PTPRD: variants seen among roughly 807,000 people sequenced by gnomAD.
The protein encoded by PTPRD is receptor-type tyrosine-protein phosphatase delta.
Under a neutral mutation model 214.5 loss-of-function variants are expected in PTPRD, and 34 were observed. That is an observed-to-expected ratio of 0.16 (90% confidence interval 0.12 to 0.21). PTPRD has a LOEUF of 0.21. Ranked by LOEUF, PTPRD falls within the 10% of genes least tolerant of loss-of-function variation. The pLI is 1.00. For synonymous variants in PTPRD, 1,128 were observed against 845.7 expected (o/e 1.33, Z -5.79); for missense variants, 2,545 against 2,398.7 (o/e 1.06, Z -1.27).
intron 8 of PTPRD, among the ~76,000 whole-genome samples, chr9:9,406,520 G>A (rs902172049): frequency 8.6e-5 from 13 of 151,946 alleles, no homozygotes; most frequent in African/African-American, 2.6e-4. Context: ...TCACATTTAC[G>A]ATATTTACTC....
chr9:8,557,983 TTTA>T (rs1309377396), intron 14 of PTPRD, among the ~76,000 whole-genome samples: 3 of 152,058 alleles, frequency 2.0e-5, no homozygotes, highest in East Asian at 3.9e-4. Flanking sequence ...TAGAGAACGC[TTTA>T]TTAACTGTGA....
chr9:9,513,503 C>G (rs1219540210), intron 8 of PTPRD, among the ~76,000 whole-genome samples: 1 of 151,370 alleles, frequency 6.6e-6, no homozygotes, highest in Non-Finnish European at 1.5e-5. Flanking sequence ...TAACATTTTG[C>G]TTTTTCTTAA....
intron 23 of PTPRD, among the ~76,000 whole-genome samples, chr9:8,503,183 G>C (rs1394917454): frequency 6.6e-6 from 1 of 151,882 alleles, no homozygotes; most frequent in Admixed American, 6.6e-5. Context: ...AACCCTGAAA[G>C]TTTTCAAGTT....
chr9:9,609,848 G>A (rs12352166), intron 7 of PTPRD, among the ~76,000 whole-genome samples: 33 of 152,148 alleles, frequency 2.2e-4, no homozygotes, highest in Non-Finnish European at 3.8e-4. Flanking sequence ...TCAATTCAGC[G>A]TGTAAAAAAC....
rs1181976989 is a variant in PTPRD, at chr9:8,315,981, A to C, written c.*1893T>G. The C allele has an allele frequency of 8.8e-6, 2 of 227,324 alleles. No homozygotes were observed. The highest frequency in any genetic ancestry group is 4.4e-5 in the African/African-American group (2 of 44,994). 14.1% of individuals were successfully genotyped at this position (227,324 alleles called of 1,614,324 possible). A position where few individuals can be genotyped will look rare whatever the true frequency, so the allele number is the denominator to read the frequency against. ...TATTTCCCCTTTTAGAAAAATCCTA[A>C]TGGAATATCAAATATATTCCAAAGT... On this transcript the variant is annotated 3_prime_UTR_variant, in exon 46 of 46. Coordinates refer to ENST00000381196, the MANE Select transcript of PTPRD (RefSeq NM_002839.4).
chr9:9,228,959 G>C (rs2099961302), intron 9 of PTPRD, among the ~76,000 whole-genome samples: 2 of 152,062 alleles, frequency 1.3e-5, no homozygotes, highest in Admixed American at 1.3e-4. Flanking sequence ...TACAGGGAGA[G>C]CACAAAGGCT....
chr9:9,715,434 T>C (rs886616552), intron 7 of PTPRD, among the ~76,000 whole-genome samples: 2 of 152,054 alleles, frequency 1.3e-5, no homozygotes, highest in South Asian at 2.1e-4. Context: ...ACATTAGTGA[T>C]AGAAAGCCGT....
At chr9:10,577,375 TG>T (rs2132236152) in intron 2 of PTPRD, among the ~76,000 whole-genome samples, 1 of 152,352 alleles carries the variant, frequency 6.6e-6, no homozygotes, top group African/African-American at 2.4e-5. Flanking sequence ...TCATATTGAA[TG>T]GTAAGTCAAA....
At chr9:8,388,935 C>CA (rs1250088735) in intron 37 of PTPRD, among the ~76,000 whole-genome samples, 2 of 150,432 alleles carry the variant, frequency 1.3e-5, no homozygotes, top group Non-Finnish European at 3.0e-5. Context: ...GAGGTTCAAG[C>CA]AAATATTTAT....
chr9:10,490,655 CT>C (rs1272980343), intron 2 of PTPRD, among the ~76,000 whole-genome samples: 1 of 152,036 alleles, frequency 6.6e-6, no homozygotes, highest in African/African-American at 2.4e-5. Flanking sequence ...CTATATTCTC[CT>C]TATGTAAGTT....
chr9:9,631,742 A>C (rs2095602198), intron 7 of PTPRD, among the ~76,000 whole-genome samples: 1 of 152,172 alleles, frequency 6.6e-6, no homozygotes, highest in Non-Finnish European at 1.5e-5. Context: ...GCATAAAAAC[A>C]ACCACCTAAA....
intron 9 of PTPRD, among the ~76,000 whole-genome samples, chr9:9,357,919 T>C (rs2138784032): frequency 6.6e-6 from 1 of 151,450 alleles, no homozygotes; most frequent in South Asian, 2.1e-4. Context: ...TATTTCCTTT[T>C]ACATTTCTAT....
intron 2 of PTPRD, among the ~76,000 whole-genome samples, chr9:10,544,857 A>G (rs542040051): frequency 6.6e-6 from 1 of 152,318 alleles, no homozygotes; most frequent in South Asian, 2.1e-4. Flanking sequence ...ACATTACTAC[A>G]TAAAAATAGG....
chr9:9,835,919 T>A (rs2056613316), intron 5 of PTPRD, among the ~76,000 whole-genome samples: 1 of 152,104 alleles, frequency 6.6e-6, no homozygotes, highest in Non-Finnish European at 1.5e-5. Context: ...AGTTTTACAA[T>A]AAGTGATGAA....
chr9:10,598,434 A>G (rs2077106551), intron 2 of PTPRD, among the ~76,000 whole-genome samples: 2 of 151,780 alleles, frequency 1.3e-5, no homozygotes, highest in Non-Finnish European at 2.9e-5. Context: ...TATCACAGCA[A>G]CATTTTAGAA....
intron 43 of PTPRD, among the ~76,000 whole-genome samples, chr9:8,335,444 A>C (rs1265591304): frequency 1.6e-4 from 25 of 152,044 alleles, no homozygotes; most frequent in East Asian, 3.9e-4. Flanking sequence ...ATTCAACACC[A>C]CTTTGTGCTA....
rs374673265 is a variant in PTPRD, at chr9:9,039,829, T to C, written c.-142-21094A>G. 3.7e-4 allele frequency among the ~76,000 whole-genome samples: 56 copies of C among 152,310 alleles called. 2 individuals are homozygous for C. The South Asian group carries it at 0.011, about 29-fold the overall frequency. ...AAAGTTGTATCTTTTTAAGTGATGG[T>C]AGACCTTCTGTGTAGACTAACAATT... is the stretch of plus-strand genomic sequence containing the variant. On this transcript the variant is annotated intron_variant, in intron 10 of 45. Transcript: ENST00000381196.
chr9:10,090,302 T>G (rs1160626833), intron 3 of PTPRD, among the ~76,000 whole-genome samples: 2 of 151,600 alleles, frequency 1.3e-5, no homozygotes, highest in African/African-American at 2.4e-5. Context: ...CAATGTGGAA[T>G]TAGCCAGACT....
intron 2 of PTPRD, among the ~76,000 whole-genome samples, chr9:10,353,522 T>A (rs1485503800): frequency 1.3e-5 from 2 of 151,888 alleles, no homozygotes; most frequent in Non-Finnish European, 2.9e-5. Context: ...CCTGCCAACC[T>A]CTGCATGGGA....
Sources: allele counts gnomAD v4.1 joint callset (sites outside exome capture counted in the v4.1 genomes callset), GRCh38; gene constraint gnomAD v4.1.1; transcripts MANE v1.5; gene names NCBI Gene and HGNC (gene_info 2026-07-23, HGNC 2026-07-21).